The following RBPMS variants were observed in gnomAD, a reference collection of about 807,000 sequenced individuals.
RBPMS encodes RNA binding protein, mRNA processing factor, also known as RNA-binding protein with multiple splicing.
RBPMS carries 7 observed loss-of-function variants against 26.8 expected under a neutral mutation model. That is an observed-to-expected ratio of 0.26 (90% CI 0.15 to 0.49). RBPMS has a LOEUF of 0.49. RBPMS is among the 20% of genes least tolerant of loss of function. RBPMS has a pLI of 0.98. For missense variants in RBPMS, 186 were observed against 250.0 expected (o/e 0.74, Z 1.73); for synonymous variants, 96 against 93.3 (o/e 1.03, Z -0.17).
intron 4 of RBPMS, among the ~76,000 whole-genome samples, chr8:30,498,198 G>C (rs1820187820): frequency 6.6e-6 from 1 of 151,870 alleles, no homozygotes; most frequent in African/African-American, 2.4e-5. Context: ...GAATCTGATA[G>C]GAAGCTCTTA....
intron 7 of RBPMS, among the ~76,000 whole-genome samples, chr8:30,561,551 C>T (rs1249586475): frequency 2.6e-5 from 4 of 152,178 alleles, no homozygotes; most frequent in African/African-American, 4.8e-5. Context: ...TGACCCTCAG[C>T]ATAAACTGAC....
At chr8:30,564,426 G>A (rs901578601) in intron 7 of RBPMS, 6 of 152,238 alleles carry the variant, frequency 3.9e-5, no homozygotes, top group African/African-American at 1.2e-4. Context: ...TCTGGAGTCT[G>A]TTATGGTTCC....
intron 1 of RBPMS, among the ~76,000 whole-genome samples, chr8:30,428,832 T>G (rs1811640558): frequency 1.3e-5 from 2 of 152,284 alleles, no homozygotes; most frequent in South Asian, 4.1e-4. Context: ...ATGGTATGAT[T>G]TAAATGTGTT....
intron 1 of RBPMS, among the ~76,000 whole-genome samples, chr8:30,437,927 C>G (rs1437099635): frequency 6.6e-6 from 1 of 152,010 alleles, no homozygotes; most frequent in Non-Finnish European, 1.5e-5. Flanking sequence ...CTACTGCACT[C>G]CAGCCTGGGT....
At chr8:30,556,863 T>A in intron 6 of RBPMS, 1 of 774,232 alleles carries the variant, frequency 1.3e-6, no homozygotes, top group Non-Finnish European at 1.6e-6. Context: ...TCTGTCCCCT[T>A]CCCTGCCCGC....
chr8:30,492,305 C>T lies in RBPMS; in HGVS notation c.247-11981C>T, dbSNP rs1367186912. On this transcript the variant is annotated intron_variant, in intron 4 of 8. Coordinates refer to ENST00000397323, the MANE Select transcript of RBPMS (RefSeq NM_001008710.3). The stretch of plus-strand genomic sequence containing the variant: ...TTTCACACATGCATGCATCCATTGT[C>T]TCATTTTGCCTGATAAGTGCATAAT... Among the ~76,000 whole-genome samples the T allele has an allele frequency of 2.6e-5, 4 of 152,168 alleles. No individual in the cohort carries two copies. The East Asian group carries it at 7.7e-4, about 29-fold the overall frequency.
intron 1 of RBPMS, 78 bp downstream of exon 1, chr8:30,385,236 G>T (rs1806881644): frequency 1.9e-6 from 2 of 1,053,032 alleles, no homozygotes; most frequent in Admixed American, 4.2e-5. Flanking sequence ...GGCCCGGGGC[G>T]CGGCGGTGGA....
At chr8:30,507,398 G>A (rs1010621228) in intron 5 of RBPMS, among the ~76,000 whole-genome samples, 2 of 152,186 alleles carry the variant, frequency 1.3e-5, no homozygotes, top group South Asian at 2.1e-4. Context: ...CTAGGCAAAC[G>A]TAAAGTACAA....
chr8:30,525,420 CTTTG>C (rs996244248), intron 5 of RBPMS, among the ~76,000 whole-genome samples: 11 of 152,248 alleles, frequency 7.2e-5, no homozygotes, highest in African/African-American at 2.6e-4. Context: ...CTTTAGAAAT[CTTTG>C]TTTTTCTTAC....
chr8:30,533,268 CG>C (rs1412696851), intron 5 of RBPMS, among the ~76,000 whole-genome samples: 20 of 152,148 alleles, frequency 1.3e-4, no homozygotes, highest in African/African-American at 4.8e-4. Flanking sequence ...TCAGTGGCAA[CG>C]TGGAACCTAG....
chr8:30,513,009 C>G (rs1439975823), intron 5 of RBPMS, among the ~76,000 whole-genome samples: 7 of 151,684 alleles, frequency 4.6e-5, no homozygotes, highest in Non-Finnish European at 1.0e-4. Context: ...CCCCACCCCA[C>G]CCTGAGATTT....
chr8:30,546,860 A>G (rs535598246), intron 6 of RBPMS, among the ~76,000 whole-genome samples: 10 of 152,352 alleles, frequency 6.6e-5, no homozygotes, highest in African/African-American at 2.2e-4. Flanking sequence ...GCCTGAGAAG[A>G]TGGAGGGAGT....
chr8:30,444,000 G>A (rs1439861262), intron 1 of RBPMS, among the ~76,000 whole-genome samples: 1 of 152,080 alleles, frequency 6.6e-6, no homozygotes, highest in Non-Finnish European at 1.5e-5. Context: ...AGGTTCAAGC[G>A]ATTCTCTTGC....
chr8:30,411,988 A>G (rs1178732893), intron 1 of RBPMS, among the ~76,000 whole-genome samples: 1 of 139,656 alleles, frequency 7.2e-6, no homozygotes, highest in Non-Finnish European at 1.5e-5. Context: ...TTCGTCTCAA[A>G]AAAAAAAAAA....
At chr8:30,462,505 C>G (rs1816034014) in intron 1 of RBPMS, among the ~76,000 whole-genome samples, 1 of 152,010 alleles carries the variant, frequency 6.6e-6, no homozygotes, top group Non-Finnish European at 1.5e-5. Flanking sequence ...CTCACTCCAA[C>G]CTCCTCCTCC....
intron 1 of RBPMS, among the ~76,000 whole-genome samples, chr8:30,388,434 T>C (rs1807366273): frequency 6.8e-6 from 1 of 146,632 alleles, no homozygotes; most frequent in African/African-American, 2.5e-5. Flanking sequence ...AGCTAACTTA[T>C]AACTTATAGC....
At chr8:30,558,390 G>A (rs540996283) in intron 6 of RBPMS, 4 of 195,134 alleles carry the variant, frequency 2.0e-5, no homozygotes, top group East Asian at 2.5e-4. Flanking sequence ...GTGCCAAGAA[G>A]CTGGAACCCT....
intron 5 of RBPMS, among the ~76,000 whole-genome samples, chr8:30,510,154 A>G (rs1821438224): frequency 6.6e-6 from 1 of 152,186 alleles, no homozygotes; most frequent in South Asian, 2.1e-4. Flanking sequence ...AGCACTGTGT[A>G]TTCATATGGC....
chr8:30,524,412 A>G (rs898560247), intron 5 of RBPMS, among the ~76,000 whole-genome samples: 11 of 152,178 alleles, frequency 7.2e-5, no homozygotes, highest in East Asian at 1.9e-4. Context: ...TTCTTATTTT[A>G]TAGGTAACTG....
Sources: gnomAD v4.1 joint callset for allele counts (sites outside exome capture counted in the v4.1 genomes callset) on GRCh38, gnomAD v4.1.1 for gene constraint, MANE v1.5 for transcripts, NCBI Gene and HGNC (gene_info 2026-07-23, HGNC 2026-07-21) for gene names.